PARD3B: variants seen among roughly 807,000 people sequenced by gnomAD.
The protein encoded by PARD3B is partitioning defective 3 homolog B.
In PARD3B, 103 loss-of-function variants were observed where a neutral mutation model predicts 130.2. That is an observed-to-expected ratio of 0.79 (90% CI 0.67 to 0.93). The LOEUF (loss-of-function observed/expected upper bound fraction) is 0.93. PARD3B is among the 40% of genes least tolerant of loss of function. The probability of loss-of-function intolerance (pLI) is 0.00; values close to 1 mark genes in which losing one functional copy is unlikely to be tolerated. For missense variants in PARD3B, 1,609 were observed against 1,499.2 expected (o/e 1.07, Z -1.21); for synonymous variants, 583 against 553.2 (o/e 1.05, Z -0.76).
intron 1 of PARD3B, among the ~76,000 whole-genome samples, chr2:204,645,576 T>TTAC (rs2125160133): frequency 6.6e-6 from 1 of 152,242 alleles, no homozygotes; most frequent in African/African-American, 2.4e-5. Flanking sequence ...CTCATAAATG[T>TTAC]TACTGTTCAT....
chr2:205,612,509 T>C (rs2055271040), intron 22 of PARD3B, among the ~76,000 whole-genome samples: 1 of 152,226 alleles, frequency 6.6e-6, no homozygotes, highest in African/African-American at 2.4e-5. Flanking sequence ...GAAGTTGTTC[T>C]GACAAAAGTC....
chr2:204,872,637 A>G (rs1395521114), intron 2 of PARD3B, among the ~76,000 whole-genome samples: 3 of 152,230 alleles, frequency 2.0e-5, no homozygotes, highest in African/African-American at 7.2e-5. Context: ...GTTAAAGGTC[A>G]TCTACCTACT....
At chr2:204,705,522 C>G (rs1206795822) in intron 2 of PARD3B, among the ~76,000 whole-genome samples, 1 of 149,996 alleles carries the variant, frequency 6.7e-6, no homozygotes, top group Non-Finnish European at 1.5e-5. Flanking sequence ...ATACAAATAT[C>G]TCTCACATAA....
intron 16 of PARD3B, among the ~76,000 whole-genome samples, chr2:205,273,747 C>G (rs1311994490): frequency 6.6e-6 from 1 of 152,170 alleles, no homozygotes; most frequent in Non-Finnish European, 1.5e-5. Context: ...TGTTAAATGC[C>G]TACCTTGTGC....
chr2:205,180,712 T>A (rs566288575), intron 13 of PARD3B, among the ~76,000 whole-genome samples: 2 of 152,322 alleles, frequency 1.3e-5, no homozygotes, highest in East Asian at 3.9e-4. Flanking sequence ...TTATTTTTTT[T>A]ATTCCTGTCA....
At chr2:205,119,197 T>A (rs16836973) in intron 7 of PARD3B, 151 bp downstream of exon 7, 16,050 of 1,104,168 alleles carry the variant, frequency 0.015, 355 homozygotes, top group African/African-American at 0.088. Context: ...GCTTCTAATG[T>A]TTTAGCCTAC....
intron 10 of PARD3B, among the ~76,000 whole-genome samples, chr2:205,153,260 G>C (rs1358142894): frequency 1.3e-5 from 2 of 152,198 alleles, no homozygotes; most frequent in African/African-American, 4.8e-5. Flanking sequence ...GAGGCAGTCT[G>C]TCTGTTCTCA....
chr2:204,560,817 T>A (rs2031260359), intron 1 of PARD3B, among the ~76,000 whole-genome samples: 1 of 151,750 alleles, frequency 6.6e-6, no homozygotes, highest in African/African-American at 2.4e-5. Context: ...TAGAGGGAGC[T>A]GGGACTGGAG....
intron 1 of PARD3B, among the ~76,000 whole-genome samples, chr2:204,647,015 A>G (rs1478016260): frequency 2.0e-5 from 3 of 151,962 alleles, no homozygotes; most frequent in Admixed American, 2.0e-4. Context: ...CCAACCTGGG[A>G]AAAGACAAAA....
At chr2:204,692,398 G>A (rs1160586962) in intron 2 of PARD3B, among the ~76,000 whole-genome samples, 1 of 152,000 alleles carries the variant, frequency 6.6e-6, no homozygotes, top group Non-Finnish European at 1.5e-5. Flanking sequence ...AAGATTAATG[G>A]CTGGTGGTGA....
chr2:204,678,162 C>T lies in PARD3B; in HGVS notation c.121-8019C>T, dbSNP rs746744281. Among the ~76,000 whole-genome samples the T allele has an allele frequency of 4.6e-5, 7 of 152,242 alleles. No individual in the cohort carries two copies. Among genetic ancestry groups the T allele is most frequent in the Middle Eastern group, 3.4e-3 (1 of 294 alleles). ...GGCTCCTTTGCAGCCGAGCTCAAACCGCTTGTGGGAGGGGGAGCACGCAGG... is the reference window on the plus strand; with the variant it reads ...GGCTCCTTTGCAGCCGAGCTCAAACTGCTTGTGGGAGGGGGAGCACGCAGG... On this transcript the variant is annotated intron_variant, in intron 1 of 22. Coordinates refer to ENST00000406610, the MANE Select transcript of PARD3B (RefSeq NM_001302769.2). This position sits in a 1 kb window ranked among gnomAD's most constrained non-coding sequence, Gnocchi z 4.2.
intron 18 of PARD3B, among the ~76,000 whole-genome samples, chr2:205,371,002 C>A (rs931788505): frequency 6.6e-6 from 1 of 152,150 alleles, no homozygotes; most frequent in African/African-American, 2.4e-5. Context: ...TGCTGAAGTG[C>A]GAGCCTCCAC....
chr2:205,548,780 T>C (rs1280270490), intron 21 of PARD3B, among the ~76,000 whole-genome samples: 1 of 152,074 alleles, frequency 6.6e-6, no homozygotes, highest in Non-Finnish European at 1.5e-5. Flanking sequence ...TGAACTTTAT[T>C]AAAATTAAAA....
At chr2:205,145,670 C>G (rs1432529574) in intron 10 of PARD3B, among the ~76,000 whole-genome samples, 3 of 152,090 alleles carry the variant, frequency 2.0e-5, no homozygotes, top group Non-Finnish European at 2.9e-5. Context: ...CTCTAAGGCA[C>G]CATTGCTTTA....
intron 2 of PARD3B, among the ~76,000 whole-genome samples, chr2:204,773,342 C>T (rs1360672829): frequency 6.6e-6 from 1 of 151,664 alleles, no homozygotes; most frequent in African/African-American, 2.4e-5. Context: ...TTTGCAAAAA[C>T]AATGCAAATA....
intron 10 of PARD3B, among the ~76,000 whole-genome samples, chr2:205,131,449 T>G (rs988029103): frequency 6.6e-6 from 1 of 152,160 alleles, no homozygotes; most frequent in Non-Finnish European, 1.5e-5. Context: ...TCAACCAGTA[T>G]GTACTGAATC....
rs1481559996 is a variant in PARD3B, at chr2:205,292,121, G to T, written c.2186-8409G>T. The stretch of plus-strand genomic sequence containing the variant: ...GACACCCCAGGTAGAGCTCCAGTGG[G>T]ACCCAGTGTAGCATGGGTCACAGAG... On this transcript the variant is annotated intron_variant, in intron 16 of 22. Transcript: ENST00000406610. This position sits in a 1 kb window ranked among gnomAD's most constrained non-coding sequence, Gnocchi z 5.3. 1.3e-5 allele frequency among the ~76,000 whole-genome samples: 2 copies of T among 152,154 alleles called. No individual in the cohort carries two copies. Among genetic ancestry groups the T allele is most frequent in the Non-Finnish European group, 2.9e-5 (2 of 68,030 alleles).
At chr2:204,828,015 A>C (rs115327299) in intron 2 of PARD3B, among the ~76,000 whole-genome samples, 1,818 of 147,074 alleles carry the variant, frequency 0.012, 37 homozygotes, top group African/African-American at 0.047. Flanking sequence ...TAATCAATCC[A>C]GTTCAACCCA....
chr2:205,172,459 C>T, intron 12 of PARD3B, 78 bp downstream of exon 12: 5 of 1,390,478 alleles, frequency 3.6e-6, no homozygotes, highest in African/African-American at 1.4e-5. Context: ...CCTAGTATGG[C>T]AGCTAGATTC....
Sources: allele counts gnomAD v4.1 joint callset (sites outside exome capture counted in the v4.1 genomes callset), GRCh38; gene constraint gnomAD v4.1.1; non-coding constraint Gnocchi (gnomAD v3.1); transcripts MANE v1.5; gene names NCBI Gene and HGNC (gene_info 2026-07-23, HGNC 2026-07-21).